Variants in APBB2 observed in about 807,000 individuals in gnomAD.
The protein encoded by APBB2 is amyloid beta precursor protein binding family B member 2.
Under a neutral mutation model 82.5 loss-of-function variants are expected in APBB2, and 38 were observed. The observed-to-expected ratio is 0.46, with a 90% CI of 0.36 to 0.60. The LOEUF is 0.60. Ranked by LOEUF, APBB2 falls within the 20% of genes least tolerant of loss-of-function variation. APBB2 has a pLI of 0.00. For missense variants in APBB2, 772 were observed against 972.3 expected (o/e 0.79, Z 2.74); for synonymous variants, 341 against 368.2 (o/e 0.93, Z 0.85).
intron 7 of APBB2, 46 bp downstream of exon 7, chr4:40,944,819 A>C: frequency 6.3e-7 from 1 of 1,588,270 alleles, no homozygotes; most frequent in Non-Finnish European, 8.6e-7. Context: ...AGAAACCACA[A>C]GTTACATCTA....
chr4:40,932,760 GC>G (rs1027160744), intron 10 of APBB2, among the ~76,000 whole-genome samples: 9 of 152,328 alleles, frequency 5.9e-5, no homozygotes, highest in African/African-American at 2.2e-4. Context: ...GAAAATGCAA[GC>G]CCCCGCCCCG....
intron 6 of APBB2, among the ~76,000 whole-genome samples, chr4:41,004,579 G>A (rs746363366): frequency 1.3e-5 from 2 of 150,778 alleles, no homozygotes; most frequent in African/African-American, 4.9e-5. Flanking sequence ...GATGGTTCAC[G>A]CCTGTAATCC....
At chr4:40,905,349 T>C (rs950260148) in intron 10 of APBB2, among the ~76,000 whole-genome samples, 1 of 152,094 alleles carries the variant, frequency 6.6e-6, no homozygotes, top group Non-Finnish European at 1.5e-5. Flanking sequence ...TCATACAAAA[T>C]AAAAGCTACA....
chr4:41,029,768 G>T (rs1168802097), intron 5 of APBB2, among the ~76,000 whole-genome samples: 1 of 152,176 alleles, frequency 6.6e-6, no homozygotes, highest in Admixed American at 6.5e-5. Flanking sequence ...CAGAAAATCA[G>T]ATTACACAAA....
At chr4:41,100,460 C>G (rs559546889) in intron 3 of APBB2, among the ~76,000 whole-genome samples, 179 bp downstream of exon 3, 33 of 141,752 alleles carry the variant, frequency 2.3e-4, no homozygotes, top group African/African-American at 7.5e-4. Flanking sequence ...TAATCTCTTG[C>G]AAGTTTTTTT....
chr4:41,169,846 T>A (rs549356840), intron 1 of APBB2, among the ~76,000 whole-genome samples: 24 of 134,718 alleles, frequency 1.8e-4, no homozygotes, highest in Non-Finnish European at 1.7e-4. Flanking sequence ...GGAAAGAAAA[T>A]ATTACTGTAG....
intron 3 of APBB2, among the ~76,000 whole-genome samples, chr4:41,066,582 A>G (rs1345603914): frequency 6.6e-6 from 1 of 152,198 alleles, no homozygotes; most frequent in Non-Finnish European, 1.5e-5. Flanking sequence ...TGGACAGGTC[A>G]GGGAGGCCTT....
chr4:40,968,877 G>A (rs1052166412), intron 6 of APBB2, among the ~76,000 whole-genome samples: 2 of 152,124 alleles, frequency 1.3e-5, no homozygotes, highest in African/African-American at 4.8e-5. Flanking sequence ...ACATGTTCTG[G>A]GAGGGACCTG....
chr4:41,032,345 T>C (rs1717139925), intron 5 of APBB2, among the ~76,000 whole-genome samples: 1 of 152,214 alleles, frequency 6.6e-6, no homozygotes, highest in South Asian at 2.1e-4. Flanking sequence ...CCTTATTATG[T>C]AACTGTGAGG....
At chr4:41,003,189 T>G (rs141293661) in intron 6 of APBB2, among the ~76,000 whole-genome samples, 2,478 of 152,326 alleles carry the variant, frequency 0.016, 35 homozygotes, top group Non-Finnish European at 0.026. Context: ...TAGTTTCGGA[T>G]TCATCAGTCC....
intron 12 of APBB2, among the ~76,000 whole-genome samples, chr4:40,870,762 T>C (rs1765280307): frequency 6.8e-6 from 1 of 147,218 alleles, no homozygotes; most frequent in Non-Finnish European, 1.5e-5. Context: ...GGAGACCAAG[T>C]CTCACTCTCA....
In APBB2 at chr4:41,013,987, T is replaced by A. The variant is rs777009445; in HGVS notation, c.431A>T (p.Asp144Val). 1 of 1,614,186 alleles carries A rather than the reference T, an allele frequency of 6.2e-7. No homozygotes were observed. Among genetic ancestry groups the A allele is most frequent in the Non-Finnish European group, 8.5e-7 (1 of 1,180,004 alleles). The change falls in exon 6 of 18, where the codon GAT (aspartate) becomes GTT (valine). Residue 144 changes from aspartate (D) to valine (V), a missense_variant. Physicochemically the swap from Asp to Val is radical, Grantham distance 152 (BLOSUM62 -3). Coordinates refer to ENST00000508593, the MANE Select transcript of APBB2 (RefSeq NM_004307.2). ...GGGTAAAATCTCACAGCTCGAGGAA[T>A]CCTGTGGGTGGGGCTCTTTACCCTC... is the stretch of plus-strand genomic sequence containing the variant. ...KLEGKEPHPQ[D>V]SSSCEILPSQ...
chr4:41,096,292 CAT>C (rs1743430141), intron 3 of APBB2, among the ~76,000 whole-genome samples: 1 of 152,200 alleles, frequency 6.6e-6, no homozygotes, highest in Non-Finnish European at 1.5e-5. Flanking sequence ...CTGACTCAAA[CAT>C]GTTCTAACTG....
chr4:41,199,596 A>C (rs187986934), intron 1 of APBB2, among the ~76,000 whole-genome samples: 158 of 152,346 alleles, frequency 1.0e-3, no homozygotes, highest in African/African-American at 3.6e-3. Context: ...TTATTTGTTA[A>C]ACTCTTAATA....
intron 10 of APBB2, among the ~76,000 whole-genome samples, chr4:40,896,707 G>GTGACA (rs1773765686): frequency 1.3e-5 from 2 of 152,080 alleles, no homozygotes; most frequent in South Asian, 4.2e-4. Context: ...ATAGTTCTGG[G>GTGACA]GTATCCCTGT....
At chr4:41,182,814 C>T (rs114880391) in intron 1 of APBB2, among the ~76,000 whole-genome samples, 2,964 of 152,218 alleles carry the variant, frequency 0.019, 88 homozygotes, top group African/African-American at 0.069. Flanking sequence ...TGTGAGAACT[C>T]ACTGACTACC....
At chr4:40,873,830 G>A (rs1037411014) in intron 12 of APBB2, among the ~76,000 whole-genome samples, 6 of 152,100 alleles carry the variant, frequency 3.9e-5, no homozygotes, top group South Asian at 2.1e-4. Context: ...GAAAAAACCC[G>A]CAAAATACTC....
intron 1 of APBB2, among the ~76,000 whole-genome samples, chr4:41,179,727 A>G (rs915959097): frequency 1.3e-5 from 2 of 152,232 alleles, no homozygotes; most frequent in African/African-American, 4.8e-5. Context: ...ATAAATCACT[A>G]AAGACTTTAA....
chr4:41,095,115 A>C (rs1014090475), intron 3 of APBB2, among the ~76,000 whole-genome samples: 1 of 152,232 alleles, frequency 6.6e-6, no homozygotes, highest in Non-Finnish European at 1.5e-5. Flanking sequence ...TAAACATGAC[A>C]GTTACAGTGG....
Sources: gnomAD v4.1 joint callset for allele counts (sites outside exome capture counted in the v4.1 genomes callset) on GRCh38, gnomAD v4.1.1 for gene constraint, MANE v1.5 for transcripts, NCBI Gene and HGNC (gene_info 2026-07-23, HGNC 2026-07-21) for gene names.